Variants in C8orf74 observed in about 807,000 individuals in gnomAD.
C8orf74 encodes the protein chromosome 8 open reading frame 74, also known as uncharacterized protein C8orf74.
Under a neutral mutation model 22.2 loss-of-function variants are expected in C8orf74, and 29 were observed. The ratio of observed to expected loss-of-function variants is 1.31; its 90% CI spans 0.97 to 1.78. C8orf74 has a LOEUF of 1.78. Among genes scored for constraint, C8orf74 ranks in the 40% most tolerant of loss-of-function variants. The pLI is 0.00. For missense variants in C8orf74, 515 were observed against 369.9 expected (o/e 1.39, Z -3.22); for synonymous variants, 255 against 163.1 (o/e 1.56, Z -4.30).
intron 2 of C8orf74, chr8:10,680,088 A>T (rs1351461078): frequency 6.6e-6 from 1 of 152,320 alleles, no homozygotes; most frequent in Non-Finnish European, 1.5e-5. Flanking sequence ...AAATGAGTCA[A>T]TTCCCGATGC....
Position 10,687,058 on chromosome 8 carries a change from G to T in C8orf74, c.242-10541G>T, listed in dbSNP as rs150454034. The T allele has an allele frequency of 8.7e-3, 3,967 of 456,228 alleles. 50 individuals carry two copies. Among genetic ancestry groups the T allele is most frequent in the South Asian group, 0.025 (1,610 of 64,558 alleles). The allele number at this position is 456,228 out of a possible 1,614,324, so 28.3% of individuals were successfully genotyped here. ...TCCAGGGTTATAGTCCTAGAGCCATGCTTCATTCTCTGCCAAACCAGGTTC... is the reference window on the plus strand; with the variant it reads ...TCCAGGGTTATAGTCCTAGAGCCATTCTTCATTCTCTGCCAAACCAGGTTC... On this transcript the variant is annotated intron_variant, in intron 2 of 3. Transcript: ENST00000304519.
chr8:10,698,050 G>C (rs758386213), intron 3 of C8orf74, 45 bp downstream of exon 3: 5 of 1,436,522 alleles, frequency 3.5e-6, no homozygotes, highest in Non-Finnish European at 4.5e-6. Flanking sequence ...TGGGCCTGCA[G>C]AGACACCAGC....
rs1222627099 is a variant in C8orf74 at position 10,697,720 on chromosome 8, C to G, written c.363C>G (p.His121Gln). ...CDYFHHTFIR[H>Q]YKLYQYVLGQ... ...ACTTCCACCACACCTTCATCCGCCA[C>G]TACAAACTCTACCAGTATGTCCTGG... Residue 121 changes from histidine to glutamine, a missense_variant, in exon 3 of 4, where the codon CAC (histidine) becomes CAG (glutamine). Transcript: ENST00000304519. 3 of 1,614,074 alleles carry G rather than the reference C, an allele frequency of 1.9e-6. No homozygotes were observed. Among genetic ancestry groups the G allele is most frequent in the Non-Finnish European group, 2.5e-6 (3 of 1,179,906 alleles).
At chr8:10,678,647 G>C (rs576878207) in intron 2 of C8orf74, among the ~76,000 whole-genome samples, 21 of 151,084 alleles carry the variant, frequency 1.4e-4, no homozygotes, top group African/African-American at 4.9e-4. Flanking sequence ...TCAGGAGCAA[G>C]ATGGGAGACA....
Position 10,678,735 on chromosome 8 carries a change from G to A in C8orf74, c.241+3897G>A, listed in dbSNP as rs1232147976. 2.0e-5 allele frequency among the ~76,000 whole-genome samples: 3 copies of A among 152,242 alleles called. No homozygotes were observed. The East Asian group carries it at 5.8e-4, about 29-fold the overall frequency. On this transcript the variant is annotated intron_variant, in intron 2 of 3. Coordinates refer to ENST00000304519, the MANE Select transcript of C8orf74 (RefSeq NM_001040032.2). ...GGCTCCTGACAGCCATGCCAGGCTG[G>A]CTGCAGTGGGGAGAGAGTAGGCAGC...
chr8:10,700,162 CAG>C, intron 3 of C8orf74, 71 bp from the exon 4 acceptor site: 7 of 965,074 alleles, frequency 7.3e-6, no homozygotes, highest in Non-Finnish European at 1.1e-5. Context: ...GTACCTGCAA[CAG>C]GGGCTGAGTT....
At chr8:10,696,547 A>C (rs552172181) in intron 2 of C8orf74, among the ~76,000 whole-genome samples, 29 of 147,370 alleles carry the variant, frequency 2.0e-4, no homozygotes, top group Non-Finnish European at 4.3e-4. Flanking sequence ...TCCTGGGTTC[A>C]AGCAATTCTC....
At chr8:10,695,197 G>C (rs1414723388) in intron 2 of C8orf74, among the ~76,000 whole-genome samples, 3 of 152,158 alleles carry the variant, frequency 2.0e-5, no homozygotes, top group African/African-American at 7.2e-5. Flanking sequence ...TACGAAGCTG[G>C]ACATCTTACC....
intron 2 of C8orf74, chr8:10,690,980 G>C (rs1006382960): frequency 8.8e-6 from 4 of 453,902 alleles, no homozygotes; most frequent in Non-Finnish European, 1.8e-5. Flanking sequence ...AGATCTGTCC[G>C]CCCGGCAGCC....
At chr8:10,687,677 A>T (rs1033894167) in intron 2 of C8orf74, among the ~76,000 whole-genome samples, 1 of 152,096 alleles carries the variant, frequency 6.6e-6, no homozygotes, top group Non-Finnish European at 1.5e-5. Flanking sequence ...CAGTGTGAAA[A>T]GATTCTGCTT....
At chr8:10,680,762 G>A (rs537722633) in intron 2 of C8orf74, among the ~76,000 whole-genome samples, 1 of 152,308 alleles carries the variant, frequency 6.6e-6, no homozygotes, top group Admixed American at 6.5e-5. Flanking sequence ...GCTGTCCTCA[G>A]GAGGGGGCCC....
At chr8:10,684,029 G>A (rs1424416133) in intron 2 of C8orf74, among the ~76,000 whole-genome samples, 6 of 152,176 alleles carry the variant, frequency 3.9e-5, no homozygotes, top group African/African-American at 1.4e-4. Flanking sequence ...GGAGGTGACT[G>A]CAGCAGGACA....
chr8:10,683,488 A>G (rs537113676), intron 2 of C8orf74, among the ~76,000 whole-genome samples: 2 of 152,284 alleles, frequency 1.3e-5, no homozygotes, highest in South Asian at 4.1e-4. Flanking sequence ...GCCACATCTC[A>G]GGCTGGGAAT....
chr8:10,674,651 A>T lies in C8orf74; in HGVS notation c.54A>T (p.Pro18=). ...GVKEVFQLQR[P]QGRERLRRLL... is the part of the protein sequence containing the mutation. ...TCCCATGTCATTCCCTGCAGAGACC[A>T]CAAGGTCGGGAGCGCCTGCGGAGGC... Residue 18 remains proline (P), a synonymous_variant, in exon 2 of 4, where the codon CCA becomes CCT. Transcript: ENST00000304519. 1 of 1,604,814 alleles carries T rather than the reference A, an allele frequency of 6.2e-7. No individual in the cohort carries two copies. Among genetic ancestry groups the T allele is most frequent in the Non-Finnish European group, 8.5e-7 (1 of 1,175,858 alleles).
intron 3 of C8orf74, 35 bp downstream of exon 3, chr8:10,698,040 T>A (rs1196043759): frequency 2.1e-6 from 3 of 1,441,776 alleles, no homozygotes; most frequent in Admixed American, 2.7e-5. Context: ...GGTGGGCACC[T>A]GGGCCTGCAG....
rs917691681 is a variant in C8orf74 at position 10,689,734 on chromosome 8, C to T, written c.242-7865C>T. Reference sequence around the variant, plus strand: ...ATATGTATTATGTACTGTGTTCTTACAATAAAGTAGGCTGAAGAAAAGAAA... The same window carrying T: ...ATATGTATTATGTACTGTGTTCTTATAATAAAGTAGGCTGAAGAAAAGAAA... On this transcript the variant is annotated intron_variant, in intron 2 of 3. Transcript: ENST00000304519. 2.0e-5 allele frequency: 3 copies of T among 152,214 alleles called. No homozygotes were observed. In the East Asian group the frequency reaches 5.8e-4, roughly 29 times the overall value. The allele number at this position is 152,214 out of a possible 1,614,324, so 9.4% of individuals were successfully genotyped here.
chr8:10,697,966 C>T lies in C8orf74; in HGVS notation c.609C>T (p.Ala203=). ...ACTCGCTGCAGAAGGCGTTCGCTGC[C>T]GCCGCGCCTGCGCAGCCCGGCCAGG... The part of the protein sequence containing the change: ...RENSLQKAFA[A]AAPAQPGQVL... Residue 203 remains alanine, a synonymous_variant, in exon 3 of 4, where the codon GCC becomes GCT. Coordinates refer to ENST00000304519, the MANE Select transcript of C8orf74 (RefSeq NM_001040032.2). The T allele has an allele frequency of 8.5e-6, 13 of 1,530,714 alleles. No individual in the cohort carries two copies. The highest frequency in any genetic ancestry group is 2.2e-4 in the Middle Eastern group (1 of 4,602). 94.8% of individuals were successfully genotyped at this position (1,530,714 alleles called of 1,614,324 possible). A position where few individuals can be genotyped will look rare whatever the true frequency, so the allele number is the denominator to read the frequency against.
intron 2 of C8orf74, among the ~76,000 whole-genome samples, chr8:10,696,446 T>G (rs60771776): frequency 8.5e-6 from 1 of 117,398 alleles, no homozygotes. Flanking sequence ...CTTTTCTTTT[T>G]TTTTTTTTTT....
chr8:10,676,235 G>T (rs887994375), intron 2 of C8orf74, among the ~76,000 whole-genome samples: 2 of 151,838 alleles, frequency 1.3e-5, no homozygotes, highest in African/African-American at 4.8e-5. Context: ...TGGCTTTCTG[G>T]TCATAATCTC....
Sources: gnomAD v4.1 joint callset for allele counts (sites outside exome capture counted in the v4.1 genomes callset) on GRCh38, gnomAD v4.1.1 for gene constraint, MANE v1.5 for transcripts, NCBI Gene and HGNC (gene_info 2026-07-23, HGNC 2026-07-21) for gene names.